ZNF839: variants seen among roughly 807,000 people sequenced by gnomAD.
ZNF839 encodes the protein renal carcinoma antigen NY-REN-50.
A neutral mutation model predicts 56.4 loss-of-function variants in ZNF839; 38 were observed. The ratio of observed to expected loss-of-function variants is 0.67; its 90% CI spans 0.52 to 0.88. The LOEUF is 0.88. Ranked by LOEUF, ZNF839 falls within the 40% of genes least tolerant of loss-of-function variation. The probability of loss-of-function intolerance (pLI) is 0.00; values close to 1 mark genes in which losing one functional copy is unlikely to be tolerated. For synonymous variants in ZNF839, 486 were observed against 493.5 expected (o/e 0.98, Z 0.20); for missense variants, 1,091 against 1,177.6 (o/e 0.93, Z 1.08).
At chr14:102,323,432 C>A (rs965582596) in intron 1 of ZNF839, among the ~76,000 whole-genome samples, 1 of 152,220 alleles carries the variant, frequency 6.6e-6, no homozygotes, top group East Asian at 1.9e-4. Flanking sequence ...TTTGCTTCCC[C>A]GTCCTTCTCC....
At chr14:102,324,367 A>AC (rs1200273877) in intron 1 of ZNF839, among the ~76,000 whole-genome samples, 6 of 152,050 alleles carry the variant, frequency 3.9e-5, no homozygotes, top group African/African-American at 1.4e-4. Context: ...ACATGGTGAA[A>AC]CCCCGTCTCT....
Position 102,332,638 on chromosome 14 carries a change from G to A in ZNF839, c.1416+792G>A, listed in dbSNP as rs940639749. 6.6e-6 allele frequency among the ~76,000 whole-genome samples: 1 copy of A among 151,880 alleles called. No individual in the cohort carries two copies. The highest frequency in any genetic ancestry group is 1.5e-5 in the Non-Finnish European group (1 of 67,984). ...AAAACTGTCAGTTGAGGCCGGGCAC[G>A]GTGGCTCACACCTGTAATCCCAGCA... On this transcript the variant is annotated intron_variant, in intron 3 of 7. Transcript: ENST00000442396. The surrounding 1 kb of genome is among the most constrained non-coding windows in gnomAD (Gnocchi z 4.9).
chr14:102,330,086 C>A (rs1433646890), intron 2 of ZNF839, among the ~76,000 whole-genome samples: 8 of 151,938 alleles, frequency 5.3e-5, no homozygotes, highest in Non-Finnish European at 1.2e-4. Flanking sequence ...TGAGCCATTG[C>A]GCCCGGCCTC....
chr14:102,325,603 T>C (rs2073368767), intron 1 of ZNF839, among the ~76,000 whole-genome samples: 1 of 152,018 alleles, frequency 6.6e-6, no homozygotes, highest in Non-Finnish European at 1.5e-5. Context: ...CAAGCGATTC[T>C]CATGCCTCAG....
intron 2 of ZNF839, among the ~76,000 whole-genome samples, chr14:102,328,083 A>ATG (rs2073515634): frequency 6.6e-6 from 1 of 151,804 alleles, no homozygotes; most frequent in Admixed American, 6.6e-5. Context: ...AGCCGGGTGC[A>ATG]GTGGCTCACA....
chr14:102,331,306 T>C (rs948806621), intron 2 of ZNF839, among the ~76,000 whole-genome samples: 3 of 152,232 alleles, frequency 2.0e-5, no homozygotes, highest in African/African-American at 7.2e-5. Context: ...TGGAGTGCAG[T>C]GGCACCATCT....
intron 6 of ZNF839, 22 bp from the exon 7 acceptor site, chr14:102,339,072 T>C: frequency 6.2e-7 from 1 of 1,613,854 alleles, no homozygotes; most frequent in Non-Finnish European, 8.5e-7. Flanking sequence ...CTATTCTAGC[T>C]GATTGGGTCT....
At chr14:102,319,285 G>C (rs1368180330), upstream of ZNF839, 1 of 152,332 alleles carries the variant, frequency 6.6e-6, no homozygotes, top group Admixed American at 6.5e-5. The surrounding 1 kb of genome is among the most constrained non-coding windows in gnomAD (Gnocchi z 4.5). Context: ...ACGGTGACAA[G>C]GCAAAAATTT....
At position 102,326,474 on chromosome 14, in the gene ZNF839, A is replaced by G; in HGVS notation, c.778A>G (p.Lys260Glu). Reference protein sequence around the residue: ...SGRVSRPPKYKAKDYKFIKTE... With the variant: ...SGRVSRPPKYEAKDYKFIKTE... Reference sequence around the variant, plus strand: ...ACGGGTATCTCGACCTCCCAAATATAAAGCTAAAGATTATAAGTTCATAAA... The same window carrying G: ...ACGGGTATCTCGACCTCCCAAATATGAAGCTAAAGATTATAAGTTCATAAA... Residue 260 changes from lysine to glutamate, a missense_variant, in exon 2 of 8, where the codon AAA becomes GAA. Transcript: ENST00000442396. This position sits in a 1 kb window ranked among gnomAD's most constrained non-coding sequence, Gnocchi z 4.3. 1 of 1,614,032 alleles carries G rather than the reference A, an allele frequency of 6.2e-7. No homozygotes were observed. The highest frequency in any genetic ancestry group is 8.5e-7 in the Non-Finnish European group (1 of 1,179,904).
In ZNF839 at chr14:102,328,773, G is replaced by T. The variant is rs572801749; in HGVS notation, c.1191+1886G>T. Among the ~76,000 whole-genome samples, 5 of 152,036 alleles carry T rather than the reference G, an allele frequency of 3.3e-5. No homozygotes were observed. In the Middle Eastern group the frequency reaches 0.01, roughly 310 times the overall value. Reference sequence around the variant, plus strand: ...GTGGCTGGCTTATTTCACTTTGCACGATATCCAAGGTTTATGTTGTAGTAA... The same window carrying T: ...GTGGCTGGCTTATTTCACTTTGCACTATATCCAAGGTTTATGTTGTAGTAA... On this transcript the variant is annotated intron_variant, in intron 2 of 7. Coordinates refer to ENST00000442396, the MANE Select transcript of ZNF839 (RefSeq NM_018335.6).
intron 1 of ZNF839, among the ~76,000 whole-genome samples, chr14:102,321,730 A>G (rs185793289): frequency 3.7e-4 from 57 of 152,350 alleles, no homozygotes; most frequent in Admixed American, 8.5e-4. Flanking sequence ...GAATGTATTT[A>G]GAGAAAGGGA....
Position 102,339,193 on chromosome 14 carries a change from A to G in ZNF839, c.1897A>G (p.Lys633Glu). 2 of 1,612,246 alleles carry G rather than the reference A, an allele frequency of 1.2e-6. No homozygotes were observed. The highest frequency in any genetic ancestry group is 4.5e-5 in the East Asian group (2 of 44,854). The part of the protein sequence containing the change: ...SLAANSRGRE[K>E]PRPLHALAAG... ...TGCTGCCAACAGCAGAGGCCGGGAG[A>G]AGCCCAGGCCCTTGCATGCTTTGGC... Residue 633 changes from lysine to glutamate, a missense_variant, in exon 7 of 8, where the codon AAG (lysine) becomes GAG (glutamate). This residue lies in a region of ZNF839 where 431 missense variants were observed against 468.0 expected (regional missense o/e 0.92). Coordinates refer to ENST00000442396, the MANE Select transcript of ZNF839 (RefSeq NM_018335.6).
At chr14:102,318,679 C>T (rs1567280015), upstream of ZNF839, among the ~76,000 whole-genome samples, 1 of 151,868 alleles carries the variant, frequency 6.6e-6, no homozygotes, top group Admixed American at 6.6e-5. Flanking sequence ...ATAAAATTCA[C>T]CATTAAAAAA....
Position 102,319,891 on chromosome 14 carries a change from G to A in ZNF839, c.126G>A (p.Arg42=), listed in dbSNP as rs2073025977. The A allele has an allele frequency of 1.5e-6, 2 of 1,291,648 alleles. No individual in the cohort carries two copies. The highest frequency in any genetic ancestry group is 2.0e-6 in the Non-Finnish European group (2 of 1,015,226). 80.0% of individuals were successfully genotyped at this position (1,291,648 alleles called of 1,614,324 possible). Residue 42 remains arginine, a synonymous_variant, in exon 1 of 8, where the codon CGG becomes CGA. Transcript: ENST00000442396. This position sits in a 1 kb window ranked among gnomAD's most constrained non-coding sequence, Gnocchi z 4.5. ...RVAPLGPEQL[R]QVLEQVTKAQ... is the part of the protein sequence containing the mutation. The stretch of plus-strand genomic sequence containing the variant: ...CCCCGCTGGGCCCCGAGCAGCTGCG[G>A]CAGGTCCTGGAGCAGGTGACGAAGG...
At chr14:102,340,686 G>A (rs73347450) in intron 7 of ZNF839, among the ~76,000 whole-genome samples, 13,860 of 152,154 alleles carry the variant, frequency 0.091, 795 homozygotes, top group African/African-American at 0.17. Context: ...GTTGTTGGGA[G>A]GGTGTGGATG....
chr14:102,326,161 G>T lies in ZNF839; in HGVS notation c.465G>T (p.Pro155=). 2.5e-6 allele frequency: 4 copies of T among 1,613,802 alleles called. No individual in the cohort carries two copies. The highest frequency in any genetic ancestry group is 3.4e-6 in the Non-Finnish European group (4 of 1,179,800). ...GCCCTCAGCTGCTCAGGGTACAGCC[G>T]CTTGTGAGAACCGAGCCACAGTCCT... ...IASPQLLRVQ[P]LVRTEPQSCF... Residue 155 remains proline (P), a synonymous_variant, in exon 2 of 8, where the codon CCG becomes CCT. Transcript: ENST00000442396. This position sits in a 1 kb window ranked among gnomAD's most constrained non-coding sequence, Gnocchi z 4.3.
At chr14:102,328,040 C>T (rs2073512402) in intron 2 of ZNF839, among the ~76,000 whole-genome samples, 1 of 151,914 alleles carries the variant, frequency 6.6e-6, no homozygotes, top group African/African-American at 2.4e-5. Context: ...TGCATTATCA[C>T]ATCAAAAAAT....
intron 7 of ZNF839, 113 bp from the exon 8 acceptor site, chr14:102,341,210 T>C (rs922920002): frequency 1.5e-6 from 2 of 1,316,958 alleles, no homozygotes; most frequent in African/African-American, 2.9e-5. Context: ...GCATCGATGC[T>C]TTGACTTTTC....
Position 102,338,803 on chromosome 14 carries a change from C to T in ZNF839, c.1660-13C>T. 1 of 1,613,772 alleles carries T rather than the reference C, an allele frequency of 6.2e-7. No individual in the cohort carries two copies. The highest frequency in any genetic ancestry group is 8.5e-7 in the Non-Finnish European group (1 of 1,179,830). On this transcript the variant is annotated splice_polypyrimidine_tract_variant and intron_variant, in intron 5 of 7. Transcript: ENST00000442396. ...TTGGGTGAAGTTTATTCTCTTGGCC[C>T]ATTTCTTTTCAGGTTGCTGAGTCAT...
Sources: allele counts gnomAD v4.1 joint callset (sites outside exome capture counted in the v4.1 genomes callset), GRCh38; gene constraint gnomAD v4.1.1; regional missense constraint gnomAD v4.1.1; non-coding constraint Gnocchi (gnomAD v3.1); transcripts MANE v1.5; gene names NCBI Gene and HGNC (gene_info 2026-07-23, HGNC 2026-07-21).